Variants in TBL1X observed in about 807,000 individuals in gnomAD.
TBL1X encodes the protein F-box-like/WD repeat-containing protein TBL1X.
A neutral mutation model predicts 50.7 loss-of-function variants in TBL1X; 10 were observed. The ratio of observed to expected loss-of-function variants is 0.20; its 90% CI spans 0.12 to 0.33. The LOEUF (loss-of-function observed/expected upper bound fraction) is 0.33, where lower values mean the gene tolerates loss of function less well. Among genes scored for constraint, TBL1X ranks in the 10% least tolerant of loss-of-function variants. TBL1X has a pLI of 1.00. For synonymous variants in TBL1X, 190 were observed against 214.7 expected, an observed-to-expected ratio of 0.88 and a Z score of 1.01; for missense variants, 340 against 504.4, an observed-to-expected ratio of 0.67 and a Z score of 3.12.
intron 1 of TBL1X, among the ~76,000 whole-genome samples, chrX:9,474,475 C>G (rs2081837118): frequency 8.8e-6 from 1 of 113,202 alleles, no homozygotes; most frequent in Admixed American, 9.3e-5. Context: ...GGACATCGTT[C>G]CAGAGGTACA....
intron 16 of TBL1X, among the ~76,000 whole-genome samples, chrX:9,714,487 C>T (rs1430299931): frequency 2.7e-5 from 3 of 111,342 alleles, no homozygotes; most frequent in Non-Finnish European, 3.8e-5. Flanking sequence ...CAGTCTGACC[C>T]TGGGAAGGAG....
chrX:9,559,085 T>C (rs970850380), intron 2 of TBL1X, among the ~76,000 whole-genome samples: 12 of 111,966 alleles, frequency 1.1e-4, no homozygotes, highest in African/African-American at 3.9e-4. Context: ...GTTTAGATAC[T>C]GTGAATCCAG....
intron 1 of TBL1X, among the ~76,000 whole-genome samples, chrX:9,471,478 G>A (rs1032006731): frequency 3.6e-5 from 4 of 112,495 alleles, no homozygotes; most frequent in African/African-American, 1.3e-4. Flanking sequence ...GACTGGTTAA[G>A]GATGACGGTT....
chrX:9,675,453 G>C (rs920611315), intron 5 of TBL1X, among the ~76,000 whole-genome samples: 1 of 111,626 alleles, frequency 9.0e-6, no homozygotes, highest in Non-Finnish European at 1.9e-5. Flanking sequence ...AGGATGACCT[G>C]CCTGCTTGGT....
chrX:9,697,541 G>A lies in TBL1X; in HGVS notation c.1114+112G>A. On this transcript the variant is annotated intron_variant, in intron 12 of 17. Transcript: ENST00000645353. ...AATCCCAGCACTTTGGGAAGCCGAA[G>A]CAGGTGGATTGCATGAGGTCAGGAG... 8 of 1,051,218 alleles carry A rather than the reference G, an allele frequency of 7.6e-6. No homozygotes were observed. The South Asian group carries it at 1.7e-4, about 22-fold the overall frequency. 86.6% of individuals were successfully genotyped at this position (1,051,218 alleles called of 1,213,427 possible). A position where few individuals can be genotyped will look rare whatever the true frequency, so the allele number is the denominator to read the frequency against.
At chrX:9,597,293 G>A (rs1343642458) in intron 2 of TBL1X, among the ~76,000 whole-genome samples, 1 of 111,193 alleles carries the variant, frequency 9.0e-6, no homozygotes, top group Non-Finnish European at 1.9e-5. Flanking sequence ...TGCGGAGAAC[G>A]GGCAGGGTGT....
At chrX:9,493,057 G>T (rs183594362) in intron 1 of TBL1X, among the ~76,000 whole-genome samples, 1 of 111,261 alleles carries the variant, frequency 9.0e-6, no homozygotes, top group Non-Finnish European at 1.9e-5. Flanking sequence ...GAGATATTCC[G>T]CTGGTTATTT....
At chrX:9,716,176 T>TCTAAAG (rs765052164) in intron 17 of TBL1X, 44 bp from the exon 18 acceptor site, 1 of 1,202,128 alleles carries the variant, frequency 8.3e-7, no homozygotes, top group East Asian at 3.0e-5. Flanking sequence ...AAGGCATCTT[T>TCTAAAG]GTATTGTCTC....
intron 5 of TBL1X, among the ~76,000 whole-genome samples, chrX:9,681,980 G>A (rs1368198116): frequency 8.9e-6 from 1 of 112,707 alleles, no homozygotes; most frequent in Admixed American, 9.3e-5. Context: ...CTATGAGAGA[G>A]GAATCACTGT....
At chrX:9,701,605 A>G (rs1249486131) in intron 12 of TBL1X, among the ~76,000 whole-genome samples, 1 of 109,115 alleles carries the variant, frequency 9.2e-6, no homozygotes, top group East Asian at 2.8e-4. Flanking sequence ...AAGAAGAAGA[A>G]AAAGAAAACA....
At chrX:9,561,631 G>C (rs1274716609) in intron 2 of TBL1X, among the ~76,000 whole-genome samples, 2 of 112,233 alleles carry the variant, frequency 1.8e-5, no homozygotes, top group African/African-American at 6.5e-5. Flanking sequence ...GGCGGTTGAA[G>C]CAAGTTTGGT....
At chrX:9,589,258 C>T (rs1358642317) in intron 2 of TBL1X, among the ~76,000 whole-genome samples, 1 of 110,837 alleles carries the variant, frequency 9.0e-6, no homozygotes, top group East Asian at 2.8e-4. Context: ...TGGCTTAAAA[C>T]ACCAGAAGTA....
intron 16 of TBL1X, among the ~76,000 whole-genome samples, chrX:9,713,963 TTC>T (rs1326913342): frequency 5.4e-5 from 6 of 110,458 alleles, no homozygotes; most frequent in Non-Finnish European, 1.1e-4. Context: ...ATTCGACTCT[TTC>T]TCTCTTTTTT....
chrX:9,621,253 ATGGCGGTG>A (rs2082665400), intron 2 of TBL1X, among the ~76,000 whole-genome samples: 1 of 111,818 alleles, frequency 8.9e-6, no homozygotes, highest in African/African-American at 3.3e-5. Context: ...GGAGAGACCC[ATGGCGGTG>A]TAGTCAGCGA....
intron 5 of TBL1X, among the ~76,000 whole-genome samples, chrX:9,659,443 A>G (rs776469293): frequency 3.5e-5 from 4 of 112,845 alleles, no homozygotes; most frequent in African/African-American, 1.3e-4. Context: ...CCAGCCATTC[A>G]TTCTTGAATA....
chrX:9,716,803 T>C lies in TBL1X; in HGVS notation c.*557T>C, dbSNP rs1389042944. The C allele has an allele frequency of 9.0e-6, 1 of 111,133 alleles. No individual in the cohort carries two copies. Among genetic ancestry groups the C allele is most frequent in the Non-Finnish European group, 1.9e-5 (1 of 53,203 alleles). The allele number at this position is 111,133 out of a possible 1,213,427, so 9.2% of individuals were successfully genotyped here. A position where few individuals can be genotyped will look rare whatever the true frequency, so the allele number is the denominator to read the frequency against. ...TCTAGAATCTTCTTTGTTCATTGGG[T>C]GGTTTTTCAGTCGGCTGGAATTCTA... On this transcript the variant is annotated 3_prime_UTR_variant, in exon 18 of 18. Coordinates refer to ENST00000645353, the MANE Select transcript of TBL1X (RefSeq NM_005647.4).
intron 2 of TBL1X, among the ~76,000 whole-genome samples, chrX:9,539,123 T>C (rs927400614): frequency 6.2e-5 from 7 of 112,408 alleles, no homozygotes; most frequent in African/African-American, 1.9e-4. Flanking sequence ...AAGGATACAT[T>C]GTGTTTGAGG....
At chrX:9,621,566 G>A (rs1174205596) in intron 2 of TBL1X, among the ~76,000 whole-genome samples, 2 of 112,043 alleles carry the variant, frequency 1.8e-5, no homozygotes, top group African/African-American at 6.5e-5. Flanking sequence ...ATCTGAGGTA[G>A]AGAGAAATGA....
rs1382882155 is a variant in TBL1X, at chrX:9,702,382, C to T, written c.1115-2611C>T. On this transcript the variant is annotated intron_variant, in intron 12 of 17. Coordinates refer to ENST00000645353, the MANE Select transcript of TBL1X (RefSeq NM_005647.4). ...ACCTGAGCCCAGGAGATTGAGGGTA[C>T]AGTGAGCCAAGATTGTGCCACTGCA... 8.6e-5 allele frequency among the ~76,000 whole-genome samples: 9 copies of T among 104,323 alleles called. No individual in the cohort carries two copies. In the South Asian group the frequency reaches 3.6e-3, roughly 41 times the overall value. 90.6% of individuals were successfully genotyped at this position (104,323 alleles called of 115,157 possible).
Sources: allele counts gnomAD v4.1 joint callset (sites outside exome capture counted in the v4.1 genomes callset), GRCh38; gene constraint gnomAD v4.1.1; transcripts MANE v1.5; gene names NCBI Gene and HGNC (gene_info 2026-07-23, HGNC 2026-07-21).